The following GFRA1 variants were observed in gnomAD, a reference collection of about 807,000 sequenced individuals.
GFRA1 encodes GDNF family receptor alpha-1.
Under a neutral mutation model 51.6 loss-of-function variants are expected in GFRA1, and 16 were observed. The observed-to-expected ratio is 0.31, with a 90% CI of 0.21 to 0.47. The LOEUF is 0.47. Ranked by LOEUF, GFRA1 falls within the 20% of genes least tolerant of loss-of-function variation. The pLI, the probability that GFRA1 is intolerant of heterozygous loss-of-function variation, is 1.00. For missense variants in GFRA1, 530 were observed against 594.3 expected (o/e 0.89, Z 1.13); for synonymous variants, 270 against 241.3 (o/e 1.12, Z -1.10).
intron 4 of GFRA1, among the ~76,000 whole-genome samples, chr10:116,238,512 T>C (rs545310519): frequency 6.6e-6 from 1 of 152,328 alleles, no homozygotes; most frequent in East Asian, 1.9e-4. Context: ...GAATGTTCCA[T>C]ATATATGGAA....
chr10:116,065,582 A>G lies in GFRA1; in HGVS notation c.1242T>C (p.Cys414=). 2 of 1,613,056 alleles carry G rather than the reference A, an allele frequency of 1.2e-6. No homozygotes were observed. ...KSNVSGNTHL[C]ISNGNYEKEG... is the part of the protein sequence containing the mutation. ...AAAGAAACATACTTACATTGGAAATACAGAGGTGTGTATTGCCCGACACAT... is the reference window on the plus strand; with the variant it reads ...AAAGAAACATACTTACATTGGAAATGCAGAGGTGTGTATTGCCCGACACAT... The change falls in exon 10 of 11, where the codon TGT becomes TGC. Residue 414 remains cysteine, a synonymous_variant. Transcript: ENST00000355422.
At chr10:116,087,363 G>T (rs1387313650) in intron 9 of GFRA1, among the ~76,000 whole-genome samples, 1 of 152,110 alleles carries the variant, frequency 6.6e-6, no homozygotes, top group African/African-American at 2.4e-5. Flanking sequence ...AATTTCATGG[G>T]GTTTCCAATG....
At chr10:116,203,595 AACAG>A (rs1399787501) in intron 5 of GFRA1, among the ~76,000 whole-genome samples, 2 of 152,192 alleles carry the variant, frequency 1.3e-5, no homozygotes, top group Non-Finnish European at 2.9e-5. Flanking sequence ...CACCAGCCCA[AACAG>A]ACAAACATGC....
chr10:116,215,598 C>T (rs1373054362), intron 4 of GFRA1, among the ~76,000 whole-genome samples: 1 of 152,186 alleles, frequency 6.6e-6, no homozygotes, highest in Non-Finnish European at 1.5e-5. Flanking sequence ...AATGTTTTCC[C>T]ATTCCATCGG....
intron 5 of GFRA1, among the ~76,000 whole-genome samples, chr10:116,202,863 T>C (rs1215015623): frequency 2.0e-5 from 3 of 152,130 alleles, no homozygotes; most frequent in African/African-American, 7.2e-5. Flanking sequence ...CCAGCTGGGC[T>C]AGCCCCCTTG....
chr10:116,271,504 G>T (rs898602235), intron 2 of GFRA1, among the ~76,000 whole-genome samples: 3 of 152,148 alleles, frequency 2.0e-5, no homozygotes, highest in Non-Finnish European at 4.4e-5. Flanking sequence ...GGCGCTTTCC[G>T]AGGAGAAGTG....
In GFRA1 at chr10:116,061,066, G is replaced by A. The variant is rs1297357119; in HGVS notation, c.*3332C>T. The A allele has an allele frequency of 6.6e-6, 1 of 152,102 alleles. No individual in the cohort carries two copies. Among genetic ancestry groups the A allele is most frequent in the Non-Finnish European group, 1.5e-5 (1 of 68,050 alleles). 9.4% of individuals were successfully genotyped at this position (152,102 alleles called of 1,614,324 possible). A position where few individuals can be genotyped will look rare whatever the true frequency, so the allele number is the denominator to read the frequency against. Reference sequence around the variant, plus strand: ...GGAGTGTCTGATTTAGAGACAAGAAGGCAAGAGGGAGACGGGCGGCAGCTA... The same window carrying A: ...GGAGTGTCTGATTTAGAGACAAGAAAGCAAGAGGGAGACGGGCGGCAGCTA... On this transcript the variant is annotated 3_prime_UTR_variant, in exon 11 of 11. Transcript: ENST00000355422.
intron 5 of GFRA1, among the ~76,000 whole-genome samples, chr10:116,155,997 T>C (rs1320698427): frequency 1.3e-5 from 2 of 152,190 alleles, no homozygotes; most frequent in Non-Finnish European, 1.5e-5. Context: ...GAGTGGCCCA[T>C]GTGAATCAGT....
At chr10:116,221,856 T>A (rs1025395921) in intron 4 of GFRA1, among the ~76,000 whole-genome samples, 3 of 152,242 alleles carry the variant, frequency 2.0e-5, no homozygotes, top group African/African-American at 4.8e-5. Flanking sequence ...TTAACTTTTT[T>A]AAAACTTTAC....
Position 116,272,061 on chromosome 10 carries a change from C to T in GFRA1, c.-32G>A. The T allele has an allele frequency of 1.9e-6, 3 of 1,541,484 alleles. No individual in the cohort carries two copies. Among genetic ancestry groups the T allele is most frequent in the Non-Finnish European group, 2.6e-6 (3 of 1,139,934 alleles). On this transcript the variant is annotated 5_prime_UTR_variant, in exon 2 of 11. Transcript: ENST00000355422. The surrounding 1 kb of genome is among the most constrained non-coding windows in gnomAD (Gnocchi z 4.4). ...GGCGCGGGGCTGGTCCCCGCCCCCC[C>T]AAAAAAATCCCGAGCCGCCGCTGGG...
chr10:116,144,034 G>A (rs1958687271), intron 5 of GFRA1, among the ~76,000 whole-genome samples: 1 of 152,098 alleles, frequency 6.6e-6, no homozygotes, highest in Non-Finnish European at 1.5e-5. Flanking sequence ...ACAGTCCCCT[G>A]GGGAGCTTGC....
At chr10:116,089,976 G>T in intron 8 of GFRA1, 54 bp from the exon 9 acceptor site, 2 of 1,484,652 alleles carry the variant, frequency 1.3e-6, no homozygotes, top group Non-Finnish European at 9.2e-7. Context: ...AAACGTAACA[G>T]ACAGGATATA....
chr10:116,069,321 G>A (rs1337620632), intron 9 of GFRA1, among the ~76,000 whole-genome samples: 2 of 152,036 alleles, frequency 1.3e-5, no homozygotes, highest in African/African-American at 4.8e-5. Flanking sequence ...TAGCTATAAG[G>A]TTTAGGGGAA....
At chr10:116,152,849 T>C (rs1256712015) in intron 5 of GFRA1, among the ~76,000 whole-genome samples, 6 of 152,270 alleles carry the variant, frequency 3.9e-5, no homozygotes, top group African/African-American at 1.4e-4. Flanking sequence ...TAGTATCTGC[T>C]ACATTAGATT....
chr10:116,246,010 A>C (rs1014356967), intron 4 of GFRA1, among the ~76,000 whole-genome samples: 4 of 152,228 alleles, frequency 2.6e-5, no homozygotes, highest in African/African-American at 9.6e-5. Context: ...GATACATGGC[A>C]CTGTACATTT....
At chr10:116,198,155 G>T (rs1374829425) in intron 5 of GFRA1, among the ~76,000 whole-genome samples, 2 of 152,150 alleles carry the variant, frequency 1.3e-5, no homozygotes, top group African/African-American at 4.8e-5. Flanking sequence ...CTTCTGATCG[G>T]AGTCTGCATT....
intron 4 of GFRA1, among the ~76,000 whole-genome samples, chr10:116,223,497 CCT>C (rs535160779): frequency 1.3e-3 from 198 of 152,294 alleles, no homozygotes; most frequent in African/African-American, 4.6e-3. Flanking sequence ...CTATGTGGCT[CCT>C]CTCTCTCCAT....
At chr10:116,242,627 G>A (rs1480227393) in intron 4 of GFRA1, among the ~76,000 whole-genome samples, 6 of 151,820 alleles carry the variant, frequency 4.0e-5, no homozygotes, top group Admixed American at 6.6e-5. Context: ...GACTACAGGC[G>A]CCCGCCTCCA....
chr10:116,211,721 A>G (rs1965210153), intron 4 of GFRA1, 76 bp from the exon 5 acceptor site: 1 of 1,191,486 alleles, frequency 8.4e-7, no homozygotes, highest in Non-Finnish European at 1.2e-6. Flanking sequence ...ATAATGTTGA[A>G]AAGGACAGTA....
Sources: allele counts gnomAD v4.1 joint callset (sites outside exome capture counted in the v4.1 genomes callset), GRCh38; gene constraint gnomAD v4.1.1; non-coding constraint Gnocchi (gnomAD v3.1); transcripts MANE v1.5; gene names NCBI Gene and HGNC (gene_info 2026-07-23, HGNC 2026-07-21).